AGFG1: variants seen among roughly 807,000 people sequenced by gnomAD.
AGFG1 encodes arf-GAP domain and FG repeat-containing protein 1.
AGFG1 carries 10 observed loss-of-function variants against 60.6 expected under a neutral mutation model. The observed-to-expected ratio is 0.16, with a 90% CI of 0.10 to 0.28. The LOEUF (loss-of-function observed/expected upper bound fraction) is 0.28. Among genes scored for constraint, AGFG1 ranks in the 10% least tolerant of loss-of-function variants. The pLI, the probability that AGFG1 is intolerant of heterozygous loss-of-function variation, is 1.00. For missense variants in AGFG1, 537 were observed against 676.5 expected (o/e 0.79, Z 2.29); for synonymous variants, 247 against 242.9 (o/e 1.02, Z -0.16).
At chr2:227,484,654 G>A (rs1212658366) in intron 1 of AGFG1, among the ~76,000 whole-genome samples, 1 of 142,694 alleles carries the variant, frequency 7.0e-6, no homozygotes, top group Non-Finnish European at 1.5e-5. Context: ...TACAGTATAA[G>A]CTTCTTTAAT....
intron 6 of AGFG1, chr2:227,532,314 C>A: frequency 1.2e-6 from 1 of 812,350 alleles, no homozygotes; most frequent in South Asian, 2.3e-5. Context: ...TAGTGATAAT[C>A]CTTCATAAAA....
chr2:227,478,058 A>G (rs1053865159), intron 1 of AGFG1, among the ~76,000 whole-genome samples: 6 of 152,010 alleles, frequency 3.9e-5, no homozygotes, highest in Non-Finnish European at 7.4e-5. Context: ...TCTGAAATCA[A>G]TGGGAATGAT....
chr2:227,520,680 A>G (rs1211492456), intron 3 of AGFG1, among the ~76,000 whole-genome samples: 1 of 152,234 alleles, frequency 6.6e-6, no homozygotes, highest in Non-Finnish European at 1.5e-5. Context: ...TAGGGACTAT[A>G]TCTATAAAGC....
intron 2 of AGFG1, among the ~76,000 whole-genome samples, chr2:227,517,110 T>C (rs1691673973): frequency 6.6e-6 from 1 of 152,202 alleles, no homozygotes; most frequent in Non-Finnish European, 1.5e-5. Flanking sequence ...TAAGTTGTAC[T>C]AATGTTCCTG....
At chr2:227,472,641 GCGGGCGGCGGGAC>G (rs1295530664) in intron 1 of AGFG1, 53 bp downstream of exon 1, 1 of 1,529,230 alleles carries the variant, frequency 6.5e-7, no homozygotes, top group Non-Finnish European at 8.8e-7. Flanking sequence ...AGGTGGGGGA[GCGGGCGGCGGGAC>G]CGGGACCCTT....
At chr2:227,510,307 A>G (rs1316777858) in intron 2 of AGFG1, among the ~76,000 whole-genome samples, 1 of 152,126 alleles carries the variant, frequency 6.6e-6, no homozygotes, top group Non-Finnish European at 1.5e-5. Context: ...CCAGGAATGG[A>G]CACCTAACCC....
intron 1 of AGFG1, 109 bp from the exon 2 acceptor site, chr2:227,491,438 A>G: frequency 1.6e-6 from 1 of 644,654 alleles, no homozygotes. Flanking sequence ...TGGAATGAAA[A>G]CACTGTTTCA....
At chr2:227,526,538 T>TC (rs1364686175) in intron 5 of AGFG1, among the ~76,000 whole-genome samples, 3 of 105,416 alleles carry the variant, frequency 2.8e-5, no homozygotes, top group Non-Finnish European at 3.9e-5. Flanking sequence ...GTGCCCAGCC[T>TC]CTTTTTTTTT....
chr2:227,479,047 C>T (rs1007515681), intron 1 of AGFG1, among the ~76,000 whole-genome samples: 2 of 152,196 alleles, frequency 1.3e-5, no homozygotes, highest in Non-Finnish European at 2.9e-5. Flanking sequence ...ATAAAACTCA[C>T]TCTCTCCTGA....
At position 227,476,433 on chromosome 2, in the gene AGFG1, TG is replaced by T; in HGVS notation, c.167+3846del. ...ATAATTGATATGTAATATAAAAGAT[TG>T]TCCTAGCCTTAAAAAGTGATCCATA... is the stretch of plus-strand genomic sequence containing the variant. On this transcript the variant is annotated intron_variant, in intron 1 of 12. Transcript: ENST00000310078. Among the ~76,000 whole-genome samples the T allele has an allele frequency of 2.0e-5, 3 of 152,326 alleles. No individual in the cohort carries two copies. The East Asian group carries it at 5.8e-4, about 29-fold the overall frequency.
chr2:227,518,452 A>C (rs1691720423), intron 2 of AGFG1, among the ~76,000 whole-genome samples: 1 of 151,472 alleles, frequency 6.6e-6, no homozygotes, highest in African/African-American at 2.4e-5. Flanking sequence ...CACATGATGC[A>C]GTCACACTTT....
chr2:227,530,438 A>T (rs925063457), intron 5 of AGFG1, among the ~76,000 whole-genome samples: 1 of 152,150 alleles, frequency 6.6e-6, no homozygotes, highest in East Asian at 1.9e-4. Context: ...TAGGTATTCT[A>T]TTAATGTTTG....
At chr2:227,528,842 T>C (rs1692071939) in intron 5 of AGFG1, among the ~76,000 whole-genome samples, 1 of 152,182 alleles carries the variant, frequency 6.6e-6, no homozygotes, top group African/African-American at 2.4e-5. Context: ...TTGAAAACAA[T>C]AGCCATCATT....
At chr2:227,541,628 G>A (rs1275456665) in intron 10 of AGFG1, among the ~76,000 whole-genome samples, 6 of 152,154 alleles carry the variant, frequency 3.9e-5, no homozygotes, top group South Asian at 2.1e-4. Context: ...GTCAGGTAGC[G>A]TGATGTCTCC....
chr2:227,497,580 T>G (rs983960210), intron 2 of AGFG1, among the ~76,000 whole-genome samples: 9 of 152,070 alleles, frequency 5.9e-5, no homozygotes, highest in African/African-American at 1.9e-4. Context: ...AAAAAAATTT[T>G]TTTTGTTATT....
chr2:227,558,083 A>G lies in AGFG1; in HGVS notation c.*3588A>G, dbSNP rs1195891034. 1 of 152,158 alleles carries G rather than the reference A, an allele frequency of 6.6e-6. No individual in the cohort carries two copies. The highest frequency in any genetic ancestry group is 1.5e-5 in the Non-Finnish European group (1 of 68,020). 9.4% of individuals were successfully genotyped at this position (152,158 alleles called of 1,614,324 possible). On this transcript the variant is annotated 3_prime_UTR_variant, in exon 13 of 13. Transcript: ENST00000310078. ...AACACTACTTCAAGGTAATAATAGC[A>G]GTGGTATTATGGGCTGTGTATGAGA...
intron 2 of AGFG1, chr2:227,508,375 T>C (rs1237157446): frequency 3.9e-6 from 1 of 254,252 alleles, no homozygotes; most frequent in African/African-American, 2.2e-5. Flanking sequence ...CAATTCTTAC[T>C]TCATATCAAG....
At chr2:227,486,485 T>A (rs189330753) in intron 1 of AGFG1, among the ~76,000 whole-genome samples, 3 of 152,322 alleles carry the variant, frequency 2.0e-5, no homozygotes, top group African/African-American at 7.2e-5. Flanking sequence ...ACTTACATTT[T>A]GCCAACCAGT....
chr2:227,520,195 T>C, intron 3 of AGFG1, 132 bp downstream of exon 3: 1 of 533,162 alleles, frequency 1.9e-6, no homozygotes, highest in South Asian at 3.2e-5. Flanking sequence ...TCATTATCCC[T>C]TGGCTTTTTG....
Sources: gnomAD v4.1 joint callset for allele counts (sites outside exome capture counted in the v4.1 genomes callset) on GRCh38, gnomAD v4.1.1 for gene constraint, MANE v1.5 for transcripts, NCBI Gene and HGNC (gene_info 2026-07-23, HGNC 2026-07-21) for gene names.